UBAP2: variants seen among roughly 807,000 people sequenced by gnomAD.
UBAP2 encodes the protein ubiquitin-associated protein 2.
In UBAP2, 75 loss-of-function variants were observed where a neutral mutation model predicts 139.6. The ratio of observed to expected loss-of-function variants is 0.54; its 90% confidence interval spans 0.45 to 0.65. The LOEUF (loss-of-function observed/expected upper bound fraction) is 0.65. Among genes scored for constraint, UBAP2 ranks in the 30% least tolerant of loss-of-function variants. UBAP2 has a pLI of 0.00. For synonymous variants in UBAP2, 526 were observed against 526.2 expected, an observed-to-expected ratio of 1.00 and a Z score of 0.01; for missense variants, 1,368 against 1,369.6, an observed-to-expected ratio of 1.00 and a Z score of 0.02.
intron 2 of UBAP2, among the ~76,000 whole-genome samples, chr9:34,005,550 CAT>C (rs1823132877): frequency 6.6e-6 from 1 of 151,306 alleles, no homozygotes; most frequent in Non-Finnish European, 1.5e-5. Flanking sequence ...AGTCCTATCA[CAT>C]ATGAAAATGG....
At chr9:33,957,955 T>G (rs1317338063) in intron 10 of UBAP2, among the ~76,000 whole-genome samples, 1 of 151,970 alleles carries the variant, frequency 6.6e-6, no homozygotes, top group Non-Finnish European at 1.5e-5. Context: ...TGGGAAGGGT[T>G]TTTTTTTCTT....
intron 18 of UBAP2, among the ~76,000 whole-genome samples, chr9:33,933,230 G>A (rs1043139342): frequency 2.6e-5 from 4 of 152,180 alleles, no homozygotes; most frequent in Admixed American, 2.0e-4. Context: ...AGACAGGTAG[G>A]AGGGAGCTGC....
chr9:33,989,337 G>A (rs566292435), intron 4 of UBAP2, among the ~76,000 whole-genome samples: 1 of 152,160 alleles, frequency 6.6e-6, no homozygotes, highest in Admixed American at 6.5e-5. Flanking sequence ...GAGTAGCTGG[G>A]ACTACAGGCG....
chr9:33,986,623 G>A (rs1821238961), intron 6 of UBAP2, 137 bp downstream of exon 6: 2 of 782,238 alleles, frequency 2.6e-6, no homozygotes, highest in Non-Finnish European at 2.2e-6. Context: ...ACAGGCATCA[G>A]TAAACAAATG....
chr9:33,963,510 TG>T (rs1827228374), intron 9 of UBAP2, among the ~76,000 whole-genome samples: 1 of 152,184 alleles, frequency 6.6e-6, no homozygotes, highest in South Asian at 2.1e-4. Context: ...CTTAGGAACA[TG>T]GAAAATAATG....
intron 2 of UBAP2, among the ~76,000 whole-genome samples, chr9:34,015,796 G>A (rs1377244000): frequency 6.6e-6 from 1 of 151,960 alleles, no homozygotes; most frequent in African/African-American, 2.4e-5. Flanking sequence ...AGCCGCCCAA[G>A]TACCTGGGAC....
chr9:33,977,223 G>C (rs185411742), intron 6 of UBAP2, among the ~76,000 whole-genome samples: 11,883 of 151,372 alleles, frequency 0.079, 670 homozygotes, highest in Non-Finnish European at 0.12. Context: ...ATTTTTATTA[G>C]AGACGGGGTT....
At chr9:33,946,477 G>A (rs866071719) in intron 13 of UBAP2, among the ~76,000 whole-genome samples, 3 of 152,174 alleles carry the variant, frequency 2.0e-5, no homozygotes, top group Admixed American at 6.5e-5. Context: ...TTAATAAAGC[G>A]TTTTTTCACT....
At position 33,989,017 on chromosome 9, in the gene UBAP2, C is replaced by G. The variant is rs747635714; in HGVS notation, c.398G>C (p.Gly133Ala). Residue 133 changes from glycine (G) to alanine (A), a missense_variant, in exon 5 of 29, where the codon GGA (glycine) becomes GCA (alanine). By Grantham distance (60) the Gly-to-Ala change is moderately conservative (BLOSUM62 0). Transcript: ENST00000379238. The part of the protein sequence containing the change: ...KSEKESSRGR[G>A]NNNRKGRGGN... ...GCCTCTTCCTTTCCGGTTGTTGTTT[C>G]CACGTCCACGACTCGATTCTTTCTC... 6.2e-7 allele frequency: 1 copy of G among 1,613,754 alleles called. No individual in the cohort carries two copies. Among genetic ancestry groups the G allele is most frequent in the Non-Finnish European group, 8.5e-7 (1 of 1,179,908 alleles).
chr9:33,927,435 G>A (rs565253992), intron 20 of UBAP2, among the ~76,000 whole-genome samples: 3 of 152,274 alleles, frequency 2.0e-5, no homozygotes, highest in African/African-American at 4.8e-5. Context: ...GGCTGAGTTC[G>A]AAGTCGGTTT....
Position 33,986,750 on chromosome 9 carries a change from T to C in UBAP2, c.520+10A>G. On this transcript the variant is annotated intron_variant, in intron 6 of 28. Transcript: ENST00000379238. ...TTGAAAGCATTTTCTTCCCTCTTAC[T>C]CTAGCTTACCTCTACCCCGGGCTCG... The C allele has an allele frequency of 5.0e-6, 8 of 1,612,584 alleles. No individual in the cohort carries two copies. The highest frequency in any genetic ancestry group is 6.8e-6 in the Non-Finnish European group (8 of 1,178,864).
chr9:33,934,063 C>T (rs1221368222), intron 17 of UBAP2: 1 of 166,846 alleles, frequency 6.0e-6, no homozygotes, highest in East Asian at 1.6e-4. Flanking sequence ...CACGTGCTTC[C>T]GCCAAGTCAG....
chr9:33,982,981 G>A (rs1025245856), intron 6 of UBAP2, among the ~76,000 whole-genome samples: 5 of 151,308 alleles, frequency 3.3e-5, no homozygotes, highest in Non-Finnish European at 5.9e-5. Flanking sequence ...CCAGGTTCAA[G>A]CAATTCTCTG....
intron 1 of UBAP2, among the ~76,000 whole-genome samples, chr9:34,029,707 C>T (rs1007421413): frequency 6.6e-6 from 1 of 150,814 alleles, no homozygotes; most frequent in Non-Finnish European, 1.5e-5. Flanking sequence ...GGAAGAAATG[C>T]GGCCAGGCAC....
In UBAP2 at chr9:34,039,090, C is replaced by T. The variant is rs537941424; in HGVS notation, c.-42+9735G>A. The stretch of plus-strand genomic sequence containing the variant: ...GAGGAGCCCCTCCGCCCGGCAGCCA[C>T]CCCGTCTGGGAAGTGAGGAGCGTCT... On this transcript the variant is annotated intron_variant, in intron 1 of 28. Transcript: ENST00000379238. 5.6e-4 allele frequency among the ~76,000 whole-genome samples: 85 copies of T among 150,620 alleles called. 1 individual carries two copies. Among genetic ancestry groups the T allele is most frequent in the Non-Finnish European group, 8.0e-4 (54 of 67,548 alleles).
intron 9 of UBAP2, among the ~76,000 whole-genome samples, chr9:33,961,544 C>CT (rs111384754): frequency 0.13 from 19,267 of 152,086 alleles, 1,557 homozygotes; most frequent in African/African-American, 0.22. Flanking sequence ...TCAAAAAATA[C>CT]TTACTTACAG....
chr9:33,959,492 T>A (rs576637733), intron 10 of UBAP2, among the ~76,000 whole-genome samples: 1 of 152,350 alleles, frequency 6.6e-6, no homozygotes, highest in East Asian at 1.9e-4. Flanking sequence ...AAACTCTGTG[T>A]CAGACAGATA....
chr9:34,048,124 G>A (rs1454054063), intron 1 of UBAP2, among the ~76,000 whole-genome samples: 1 of 152,158 alleles, frequency 6.6e-6, no homozygotes, highest in Non-Finnish European at 1.5e-5. Flanking sequence ...GTGATTCAGA[G>A]GCAAACAACT....
At chr9:33,959,913 AT>A in intron 10 of UBAP2, among the ~76,000 whole-genome samples, 1 of 152,208 alleles carries the variant, frequency 6.6e-6, no homozygotes, top group Non-Finnish European at 1.5e-5. Context: ...TAAAAAAAAA[AT>A]CAATCCTACT....
Sources: allele counts gnomAD v4.1 joint callset (sites outside exome capture counted in the v4.1 genomes callset), GRCh38; gene constraint gnomAD v4.1.1; transcripts MANE v1.5; gene names NCBI Gene and HGNC (gene_info 2026-07-23, HGNC 2026-07-21).